Variants in PEX19 observed in about 807,000 individuals in gnomAD.
The protein encoded by PEX19 is peroxisomal biogenesis factor 19.
A neutral mutation model predicts 36.3 loss-of-function variants in PEX19; 29 were observed. The observed-to-expected ratio is 0.80, with a 90% CI of 0.60 to 1.09. The LOEUF (loss-of-function observed/expected upper bound fraction) is 1.09. PEX19 is among the 50% of genes least tolerant of loss of function. The pLI is 0.00. For synonymous variants in PEX19, 141 were observed against 135.2 expected (o/e 1.04, Z -0.30); for missense variants, 396 against 368.1 (o/e 1.08, Z -0.62).
chr1:160,282,705 C>T (rs1557854936), intron 3 of PEX19: 2 of 672,632 alleles, frequency 3.0e-6, no homozygotes, highest in Non-Finnish European at 5.3e-6. Context: ...CATGATGATA[C>T]CCACAATAAC....
rs921767054 is a variant in PEX19, at chr1:160,278,535, A to G, written c.*1016T>C. 1 of 470,854 alleles carries G rather than the reference A, an allele frequency of 2.1e-6. No individual in the cohort carries two copies. Among genetic ancestry groups the G allele is most frequent in the African/African-American group, 2.0e-5 (1 of 50,778 alleles). The allele number at this position is 470,854 out of a possible 1,614,324, so 29.2% of individuals were successfully genotyped here. On this transcript the variant is annotated 3_prime_UTR_variant, in exon 8 of 8. Transcript: ENST00000368072. ...CCCATGGGGCCTTGCAGGAAAAGGG[A>G]CCCAAGCTATACCCCTACTCCTTTT...
At chr1:160,283,724 G>A in intron 1 of PEX19, 85 bp from the exon 2 acceptor site, 1 of 1,108,156 alleles carries the variant, frequency 9.0e-7, no homozygotes, top group East Asian at 2.4e-5. Flanking sequence ...AAAGCATTAG[G>A]AATATGATTT....
chr1:160,279,777 T>C (rs1367829360), intron 7 of PEX19, 24 bp downstream of exon 7: 1 of 1,607,816 alleles, frequency 6.2e-7, no homozygotes, highest in Non-Finnish European at 8.5e-7. Context: ...CAAATTAAAA[T>C]CTGGAAAAAT....
chr1:160,281,781 T>C (rs922489330), intron 5 of PEX19, among the ~76,000 whole-genome samples: 3 of 152,200 alleles, frequency 2.0e-5, no homozygotes, highest in African/African-American at 7.2e-5. Context: ...AACCAGTTTA[T>C]AGAAAACTAG....
chr1:160,283,044 T>A lies in PEX19; in HGVS notation c.246A>T (p.Gln82His). 1 of 1,614,170 alleles carries A rather than the reference T, an allele frequency of 6.2e-7. No homozygotes were observed. The highest frequency in any genetic ancestry group is 1.7e-4 in the Middle Eastern group (1 of 6,056). Residue 82 changes from glutamine to histidine, a missense_variant, in exon 3 of 8, where the codon CAA (glutamine) becomes CAT (histidine). Transcript: ENST00000368072. Reference sequence around the variant, plus strand: ...TTGCCTTCTCGAACTCCGCAGTGGCTTGGGAAGCCAGTTCACTGTCGAATA... The same window carrying A: ...TTGCCTTCTCGAACTCCGCAGTGGCATGGGAAGCCAGTTCACTGTCGAATA... ...QELFDSELAS[Q>H]ATAEFEKAMK...
At position 160,277,153 on chromosome 1, in the gene PEX19, G is replaced by A. The variant is rs949330750; in HGVS notation, c.*2398C>T. ...CAGAGAGACCGAGGGCCCCAAAACA[G>A]TGCTACTCAAAGATGATCTGCAGAC... On this transcript the variant is annotated 3_prime_UTR_variant, in exon 8 of 8. Coordinates refer to ENST00000368072, the MANE Select transcript of PEX19 (RefSeq NM_002857.4). 1 of 454,370 alleles carries A rather than the reference G, an allele frequency of 2.2e-6. No individual in the cohort carries two copies. Among genetic ancestry groups the A allele is most frequent in the East Asian group, 6.9e-5 (1 of 14,402 alleles). The allele number at this position is 454,370 out of a possible 1,614,324, so 28.1% of individuals were successfully genotyped here. A position where few individuals can be genotyped will look rare whatever the true frequency, so the allele number is the denominator to read the frequency against.
Position 160,278,856 on chromosome 1 carries a change from T to G in PEX19, c.*695A>C. On this transcript the variant is annotated 3_prime_UTR_variant, in exon 8 of 8. Coordinates refer to ENST00000368072, the MANE Select transcript of PEX19 (RefSeq NM_002857.4). ...CAGGGGATAGAGGAAGGTCAGGGGCTGGGTTCACCCATATCACACAGCATT... is the reference window on the plus strand; with the variant it reads ...CAGGGGATAGAGGAAGGTCAGGGGCGGGGTTCACCCATATCACACAGCATT... 1 of 454,026 alleles carries G rather than the reference T, an allele frequency of 2.2e-6. No individual in the cohort carries two copies. Among genetic ancestry groups the G allele is most frequent in the African/African-American group, 2.0e-5 (1 of 50,130 alleles). 28.1% of individuals were successfully genotyped at this position (454,026 alleles called of 1,614,324 possible).
chr1:160,277,759 C>T lies in PEX19; in HGVS notation c.*1792G>A, dbSNP rs1398572565. 1 of 470,564 alleles carries T rather than the reference C, an allele frequency of 2.1e-6. No individual in the cohort carries two copies. Among genetic ancestry groups the T allele is most frequent in the African/African-American group, 2.0e-5 (1 of 50,712 alleles). The allele number at this position is 470,564 out of a possible 1,614,324, so 29.1% of individuals were successfully genotyped here. ...TTGTTCTTCCCTCCTCCTCTCTATC[C>T]TTGTCCAGTTTTTGGCTGGAGCTTT... On this transcript the variant is annotated 3_prime_UTR_variant, in exon 8 of 8. Transcript: ENST00000368072.
rs371723760 is a variant in PEX19, at chr1:160,285,047, G to A, written c.70+8C>T. On this transcript the variant is annotated splice_region_variant and intron_variant, in intron 1 of 7. Coordinates refer to ENST00000368072, the MANE Select transcript of PEX19 (RefSeq NM_002857.4). ...CCTCTTCGGGCCTTTCCCACTATGG[G>A]CTCTTACTTTCCAGAAGCTCCTCCA... 16 of 1,604,976 alleles carry A rather than the reference G, an allele frequency of 1.0e-5. No individual in the cohort carries two copies. Among genetic ancestry groups the A allele is most frequent in the African/African-American group, 9.4e-5 (7 of 74,730 alleles).
At chr1:160,282,542 GTT>G in intron 3 of PEX19, 40 bp from the exon 4 acceptor site, 1 of 1,501,630 alleles carries the variant, frequency 6.7e-7, no homozygotes, top group Non-Finnish European at 9.3e-7. Context: ...TTAGGAGTTT[GTT>G]TCCTTGCCTA....
At position 160,276,925 on chromosome 1, in the gene PEX19, G is replaced by A. The variant is rs1451008183; in HGVS notation, c.*2626C>T. The A allele has an allele frequency of 2.2e-6, 1 of 451,474 alleles. No homozygotes were observed. The highest frequency in any genetic ancestry group is 7.0e-5 in the East Asian group (1 of 14,364). The allele number at this position is 451,474 out of a possible 1,614,324, so 28.0% of individuals were successfully genotyped here. A position where few individuals can be genotyped will look rare whatever the true frequency, so the allele number is the denominator to read the frequency against. On this transcript the variant is annotated 3_prime_UTR_variant, in exon 8 of 8. Transcript: ENST00000368072. ...CAAAGGAGCAACTCCTTTAAAGTTT[G>A]AGAGTCGCATAAATATTTCATATAC...
chr1:160,280,172 G>A lies in PEX19; in HGVS notation c.669C>T (p.Ser223=), dbSNP rs375907790. The A allele has an allele frequency of 8.7e-6, 14 of 1,613,308 alleles. No homozygotes were observed. Among genetic ancestry groups the A allele is most frequent in the Middle Eastern group, 1.6e-4 (1 of 6,082 alleles). ...ACTGCTCACATATTTTGCACATGAC[G>A]CTGTGCTGCTCCTGATATTTTTCAA... ...EQFEKYQEQH[S]VMCKICEQFE... is the part of the protein sequence containing the mutation. The change falls in exon 6 of 8, where the codon AGC becomes AGT. Residue 223 remains serine (S), a synonymous_variant. Transcript: ENST00000368072.
Position 160,278,542 on chromosome 1 carries a change from C to G in PEX19, c.*1009G>C, listed in dbSNP as rs1210118249. 2.1e-6 allele frequency: 1 copy of G among 468,100 alleles called. No individual in the cohort carries two copies. The highest frequency in any genetic ancestry group is 1.5e-5 in the South Asian group (1 of 64,610). 29.0% of individuals were successfully genotyped at this position (468,100 alleles called of 1,614,324 possible). ...GGCCTTGCAGGAAAAGGGACCCAAG[C>G]TATACCCCTACTCCTTTTCCAAGCT... On this transcript the variant is annotated 3_prime_UTR_variant, in exon 8 of 8. Transcript: ENST00000368072.
chr1:160,281,429 G>A (rs914916705), intron 5 of PEX19: 2 of 160,168 alleles, frequency 1.2e-5, no homozygotes, highest in Non-Finnish European at 2.8e-5. Context: ...TTCTTTTTCA[G>A]ATGGAGTCTT....
In PEX19 at chr1:160,277,027, T is replaced by TA. The variant is rs1374465930; in HGVS notation, c.*2523dup. ...GCTAGAGAAATGCTAGAGATGTCCT[T>TA]ACTAGTGACACATTCTTGCTGAAGA... On this transcript the variant is annotated 3_prime_UTR_variant, in exon 8 of 8. Transcript: ENST00000368072. 2 of 454,118 alleles carry TA rather than the reference T, an allele frequency of 4.4e-6. No homozygotes were observed. Among genetic ancestry groups the TA allele is most frequent in the Admixed American group, 4.7e-5 (2 of 42,566 alleles). The allele number at this position is 454,118 out of a possible 1,614,324, so 28.1% of individuals were successfully genotyped here.
At position 160,277,201 on chromosome 1, in the gene PEX19, T is replaced by TC. The variant is rs2101794945; in HGVS notation, c.*2349_*2350insG. ...GACTTGTGCTGGTCAGTGAACACCT[T>TC]TTTTTTTTTTTCACCAGTCTGTGAC... On this transcript the variant is annotated 3_prime_UTR_variant, in exon 8 of 8. Coordinates refer to ENST00000368072, the MANE Select transcript of PEX19 (RefSeq NM_002857.4). 1 of 442,936 alleles carries TC rather than the reference T, an allele frequency of 2.3e-6. No homozygotes were observed. Among genetic ancestry groups the TC allele is most frequent in the East Asian group, 7.1e-5 (1 of 14,166 alleles). 27.4% of individuals were successfully genotyped at this position (442,936 alleles called of 1,614,324 possible). A position where few individuals can be genotyped will look rare whatever the true frequency, so the allele number is the denominator to read the frequency against.
chr1:160,278,073 G>C lies in PEX19; in HGVS notation c.*1478C>G. On this transcript the variant is annotated 3_prime_UTR_variant, in exon 8 of 8. Transcript: ENST00000368072. ...TCATAATGCATGTGAATTTGCTTTGGAGAGACTTATCTTCTGAGTGAACCA... is the reference window on the plus strand; with the variant it reads ...TCATAATGCATGTGAATTTGCTTTGCAGAGACTTATCTTCTGAGTGAACCA... The C allele has an allele frequency of 1.4e-6, 1 of 702,446 alleles. No homozygotes were observed. Among genetic ancestry groups the C allele is most frequent in the Non-Finnish European group, 2.6e-6 (1 of 384,940 alleles). The allele number at this position is 702,446 out of a possible 1,614,324, so 43.5% of individuals were successfully genotyped here.
rs753492350 is a variant in PEX19 at position 160,280,254 on chromosome 1, AAG to A, written c.595-10_595-9del. ...CTGCAACCATTCTGGATACTAAGAA[AAG>A]AGAGAATGGGTGGAAAAGAATTAAG... On this transcript the variant is annotated splice_polypyrimidine_tract_variant and intron_variant, in intron 5 of 7. Transcript: ENST00000368072. The A allele has an allele frequency of 5.6e-6, 9 of 1,611,504 alleles. No homozygotes were observed. Among genetic ancestry groups the A allele is most frequent in the African/African-American group, 2.7e-5 (2 of 74,882 alleles).
rs1657655931 is a variant in PEX19 at position 160,279,134 on chromosome 1, G to C, written c.*417C>G. On this transcript the variant is annotated 3_prime_UTR_variant, in exon 8 of 8. Coordinates refer to ENST00000368072, the MANE Select transcript of PEX19 (RefSeq NM_002857.4). ...CTGCCAGGAGAACTATAGAAATACA[G>C]AGTCCCAGGTCTCTGCCCCTCCTCC... 1 of 452,996 alleles carries C rather than the reference G, an allele frequency of 2.2e-6. No homozygotes were observed. Among genetic ancestry groups the C allele is most frequent in the Non-Finnish European group, 4.4e-6 (1 of 226,666 alleles). 28.1% of individuals were successfully genotyped at this position (452,996 alleles called of 1,614,324 possible).
Sources: allele counts gnomAD v4.1 joint callset (sites outside exome capture counted in the v4.1 genomes callset), GRCh38; gene constraint gnomAD v4.1.1; transcripts MANE v1.5; gene names NCBI Gene and HGNC (gene_info 2026-07-23, HGNC 2026-07-21).